ZNF99: variants seen among roughly 807,000 people sequenced by gnomAD.
The protein encoded by ZNF99 is zinc finger protein 99.
In ZNF99, 8 loss-of-function variants were observed where a neutral mutation model predicts 12.8. The ratio of observed to expected loss-of-function variants is 0.62; its 90% CI spans 0.37 to 1.13. ZNF99 has a LOEUF of 1.13. Ranked by LOEUF, ZNF99 falls within the 50% of genes most tolerant of loss-of-function variation. The pLI, the probability that ZNF99 is intolerant of heterozygous loss-of-function variation, is 0.02. For synonymous variants in ZNF99, 318 were observed against 319.0 expected (o/e 1.00, Z 0.03); for missense variants, 1,007 against 1,006.2 (o/e 1.00, Z -0.01).
rs1973050211 is a variant in ZNF99, at chr19:22,756,243, TA to T, written c.*1070del. 1 of 1,571,096 alleles carries T rather than the reference TA, an allele frequency of 6.4e-7. No individual in the cohort carries two copies. Among genetic ancestry groups the T allele is most frequent in the Non-Finnish European group, 8.6e-7 (1 of 1,159,184 alleles). ...CCAGTATGAATTATCTTATGTTTAG[TA>T]AGGGCTGAAAGATGGTTAAAAGCTT... On this transcript the variant is annotated 3_prime_UTR_variant, in exon 4 of 4. Transcript: ENST00000596209.
At chr19:22,767,570 ATTATAT>A (rs1489589249) in intron 3 of ZNF99, among the ~76,000 whole-genome samples, 2 of 152,190 alleles carry the variant, frequency 1.3e-5, no homozygotes, top group Non-Finnish European at 2.9e-5. Context: ...ATCTATAACT[ATTATAT>A]TTATATGTAC....
chr19:22,779,801 G>A (rs1336105173), intron 1 of ZNF99, among the ~76,000 whole-genome samples: 5 of 152,134 alleles, frequency 3.3e-5, no homozygotes, highest in Non-Finnish European at 7.3e-5. Context: ...TCTTCCATAT[G>A]AAACAAGGCC....
Position 22,754,370 on chromosome 19 carries a change from A to C in ZNF99, c.*2944T>G. 1 of 417,114 alleles carries C rather than the reference A, an allele frequency of 2.4e-6. No homozygotes were observed. The highest frequency in any genetic ancestry group is 2.1e-5 in the African/African-American group (1 of 47,670). 25.8% of individuals were successfully genotyped at this position (417,114 alleles called of 1,614,324 possible). On this transcript the variant is annotated 3_prime_UTR_variant, in exon 4 of 4. Coordinates refer to ENST00000596209, the MANE Select transcript of ZNF99 (RefSeq NM_001080409.3). ...CGACAGAGTGAGACTCCATTTCAAA[A>C]AAAAAAAAAAAACTTTGCCACATTC...
chr19:22,764,705 CA>C (rs1973186620), intron 3 of ZNF99, among the ~76,000 whole-genome samples: 1 of 151,710 alleles, frequency 6.6e-6, no homozygotes, highest in Non-Finnish European at 1.5e-5. Flanking sequence ...AGAAGATATA[CA>C]AATGGCCAAG....
intron 1 of ZNF99, among the ~76,000 whole-genome samples, chr19:22,776,237 T>C (rs1302641534): frequency 6.9e-6 from 1 of 145,934 alleles, no homozygotes; most frequent in Non-Finnish European, 1.5e-5. Flanking sequence ...TATAATTCCA[T>C]CCACTCAGGA....
rs1973119170 is a variant in ZNF99, at chr19:22,759,106, T to C, written c.803A>G (p.Asn268Ser). 6.8e-6 allele frequency: 11 copies of C among 1,609,768 alleles called. No homozygotes were observed. The highest frequency in any genetic ancestry group is 9.3e-6 in the Non-Finnish European group (11 of 1,177,690). The change falls in exon 4 of 4, where the codon AAT becomes AGT. Residue 268 changes from asparagine to serine, a missense_variant. Asn to Ser is a conservative substitution (Grantham distance 46). Transcript: ENST00000596209. ...KCEECGKVFN[N>S]SSTLMKHKII... is the part of the protein sequence containing the mutation. ...CTTATGTTTCATAAGGGTTGAGGAATTGTTAAAAACTTTGCCACATTCTTC... is the reference window on the plus strand; with the variant it reads ...CTTATGTTTCATAAGGGTTGAGGAACTGTTAAAAACTTTGCCACATTCTTC...
At position 22,756,007 on chromosome 19, in the gene ZNF99, G is replaced by T. The variant is rs183800278; in HGVS notation, c.*1307C>A. ...ATGTGTATTTAAGGTGTGAGGACTG[G>T]TTAAAGGCTTTGCCACATTCTTTAC... On this transcript the variant is annotated 3_prime_UTR_variant, in exon 4 of 4. Coordinates refer to ENST00000596209, the MANE Select transcript of ZNF99 (RefSeq NM_001080409.3). The T allele has an allele frequency of 1.1e-3, 899 of 818,184 alleles. 8 individuals are homozygous for T. The African/African-American group carries it at 0.013, about 12-fold the overall frequency. 50.7% of individuals were successfully genotyped at this position (818,184 alleles called of 1,614,324 possible).
chr19:22,759,379 T>A lies in ZNF99; in HGVS notation c.530A>T (p.Lys177Ile), dbSNP rs1568383853. 5.8e-6 allele frequency: 9 copies of A among 1,556,376 alleles called. No individual in the cohort carries two copies. Among genetic ancestry groups the A allele is most frequent in the Middle Eastern group, 1.7e-4 (1 of 5,986 alleles). ...HTKKKTFKCM[K>I]CSKSFFMLSH... Reference sequence around the variant, plus strand: ...AAGCATGAAAAATGATTTGCTACATTTCATACATTTGAAAGTTTTCTTTTT... The same window carrying A: ...AAGCATGAAAAATGATTTGCTACATATCATACATTTGAAAGTTTTCTTTTT... Residue 177 changes from lysine (K) to isoleucine (I), a missense_variant, in exon 4 of 4, where the codon AAA becomes ATA. Coordinates refer to ENST00000596209, the MANE Select transcript of ZNF99 (RefSeq NM_001080409.3).
chr19:22,769,930 A>G, intron 1 of ZNF99: 1 of 1,360,780 alleles, frequency 7.3e-7, no homozygotes. Context: ...TTTGAGTGCT[A>G]TTTTTAAATC....
rs1194106054 is a variant in ZNF99 at position 22,756,933 on chromosome 19, C to A, written c.*381G>T. ...CATAAGTTTTGAGACCACTTAAAAG[C>A]TTTACCACATTCTTCACATTTGTAT... On this transcript the variant is annotated 3_prime_UTR_variant, in exon 4 of 4. Transcript: ENST00000596209. 10 of 1,610,658 alleles carry A rather than the reference C, an allele frequency of 6.2e-6. No homozygotes were observed. The highest frequency in any genetic ancestry group is 4.0e-5 in the African/African-American group (3 of 74,552).
chr19:22,777,254 T>C (rs905980985), intron 1 of ZNF99, among the ~76,000 whole-genome samples: 6 of 152,120 alleles, frequency 3.9e-5, no homozygotes, highest in Middle Eastern at 3.2e-3. Flanking sequence ...TGCAGCAACA[T>C]AGATGGAGCT....
chr19:22,783,211 C>T (rs1478952402), intron 1 of ZNF99, among the ~76,000 whole-genome samples: 3 of 151,914 alleles, frequency 2.0e-5, no homozygotes, highest in African/African-American at 7.2e-5. Flanking sequence ...ACCTGGGAGG[C>T]GGAAGTTGCG....
chr19:22,770,935 T>C (rs567604455), intron 1 of ZNF99: 13 of 149,942 alleles, frequency 8.7e-5, no homozygotes, highest in African/African-American at 2.7e-4. Context: ...ACCATTTTTT[T>C]CAGAACTTTT....
At chr19:22,783,131 T>C (rs1421072370) in intron 1 of ZNF99, among the ~76,000 whole-genome samples, 1 of 151,950 alleles carries the variant, frequency 6.6e-6, no homozygotes, top group African/African-American at 2.4e-5. Context: ...AACACAAAAA[T>C]TAGCCGGGTG....
chr19:22,755,190 A>G lies in ZNF99; in HGVS notation c.*2124T>C. The G allele has an allele frequency of 3.6e-6, 1 of 275,188 alleles. No individual in the cohort carries two copies. Among genetic ancestry groups the G allele is most frequent in the South Asian group, 4.6e-5 (1 of 21,940 alleles). 17.0% of individuals were successfully genotyped at this position (275,188 alleles called of 1,614,324 possible). ...TTGAGGACTGGCTAAAAGCATTGCC[A>G]CTTTCTTCACATTTGTAGGGTTTTT... On this transcript the variant is annotated 3_prime_UTR_variant, in exon 4 of 4. Transcript: ENST00000596209.
rs1973102960 is a variant in ZNF99 at position 22,758,365 on chromosome 19, C to T, written c.1544G>A (p.Gly515Asp). ...EEKPCKCEECGKAFKHFSALR... is the reference protein window; with the variant it reads ...EEKPCKCEECDKAFKHFSALR... ...GGCTGAGAAATGCTTAAAAGCTTTG[C>T]CACATTCTTCACATTTGCAAGGTTT... The change falls in exon 4 of 4, where the codon GGC becomes GAC. Residue 515 changes from glycine (G) to aspartate (D), a missense_variant. Physicochemically the swap from Gly to Asp is moderately conservative, Grantham distance 94. Transcript: ENST00000596209. The T allele has an allele frequency of 6.2e-7, 1 of 1,604,994 alleles. No individual in the cohort carries two copies. Among genetic ancestry groups the T allele is most frequent in the Admixed American group, 1.7e-5 (1 of 59,626 alleles).
chr19:22,771,847 A>T, intron 1 of ZNF99, among the ~76,000 whole-genome samples: 1 of 141,546 alleles, frequency 7.1e-6, no homozygotes, highest in African/African-American at 2.7e-5. Context: ...CCTCCTGAGT[A>T]GCTGGGATTA....
At chr19:22,762,654 T>C (rs190623774) in intron 3 of ZNF99, among the ~76,000 whole-genome samples, 264 of 148,060 alleles carry the variant, frequency 1.8e-3, no homozygotes, top group African/African-American at 6.5e-3. Flanking sequence ...AGCATCACCC[T>C]AATACCAAAA....
chr19:22,766,975 A>T (rs1973211183), intron 3 of ZNF99, among the ~76,000 whole-genome samples: 1 of 151,942 alleles, frequency 6.6e-6, no homozygotes, highest in African/African-American at 2.4e-5. Flanking sequence ...AAATCATTTT[A>T]AATATAAATT....
Sources: gnomAD v4.1 joint callset for allele counts (sites outside exome capture counted in the v4.1 genomes callset) on GRCh38, gnomAD v4.1.1 for gene constraint, MANE v1.5 for transcripts, NCBI Gene and HGNC (gene_info 2026-07-23, HGNC 2026-07-21) for gene names.